The following COL5A1 variants were observed in gnomAD, a reference collection of about 807,000 sequenced individuals.
The protein encoded by COL5A1 is collagen alpha-1(V) chain.
Under a neutral mutation model 263.7 loss-of-function variants are expected in COL5A1, and 16 were observed. That is an observed-to-expected ratio of 0.06 (90% CI 0.04 to 0.09). The LOEUF is 0.09. Ranked by LOEUF, COL5A1 falls within the 10% of genes least tolerant of loss-of-function variation. COL5A1 has a pLI of 1.00. For synonymous variants in COL5A1, 1,012 were observed against 1,004.5 expected (o/e 1.01, Z -0.14); for missense variants, 2,036 against 2,540.5 (o/e 0.80, Z 4.27).
At position 134,716,252 on chromosome 9, in the gene COL5A1, G is replaced by T. The variant is rs116003044; in HGVS notation, c.655-11014G>T. Among the ~76,000 whole-genome samples the T allele has an allele frequency of 8.1e-3, 1,234 of 152,228 alleles. 17 individuals carry two copies. The highest frequency in any genetic ancestry group is 0.028 in the African/African-American group (1,162 of 41,538). On this transcript the variant is annotated intron_variant, in intron 4 of 65. Transcript: ENST00000371817. This position sits in a 1 kb window ranked among gnomAD's most constrained non-coding sequence, Gnocchi z 4.5. The stretch of plus-strand genomic sequence containing the variant: ...GGAGGCCTGGAGTAATTAGTCATAC[G>T]CTGACATCCTCACAGATGACAAGGG...
chr9:134,764,096 G>A (rs1409401069), intron 20 of COL5A1, among the ~76,000 whole-genome samples: 42 of 143,794 alleles, frequency 2.9e-4, no homozygotes, highest in African/African-American at 1.0e-3. Flanking sequence ...GGTGGGGTCC[G>A]GGGTCAGTGT....
intron 4 of COL5A1, among the ~76,000 whole-genome samples, chr9:134,711,360 G>C (rs570869046): frequency 6.6e-6 from 1 of 152,226 alleles, no homozygotes; most frequent in East Asian, 1.9e-4. Context: ...GCTGTGTCTT[G>C]CCAGCCAGGT....
At position 134,819,012 on chromosome 9, in the gene COL5A1, C is replaced by T. The variant is rs1225628147; in HGVS notation, c.4405C>T (p.Leu1469Phe). 1.2e-6 allele frequency: 2 copies of T among 1,613,474 alleles called. No homozygotes were observed. The highest frequency in any genetic ancestry group is 8.5e-7 in the Non-Finnish European group (1 of 1,180,020). Residue 1469 changes from leucine (L) to phenylalanine (F), a missense_variant, in exon 57 of 66, where the codon CTT (leucine) becomes TTT (phenylalanine). Around this residue, in one of 3 missense-constraint regions of COL5A1, gnomAD observed 1,078 missense variants for 1,521.4 expected, o/e 0.71. Transcript: ENST00000371817. ...CCTCCTCCCACAGGGTCCCCCAGGACTTCCCGGCCTCAAAGGAGATTCTGG... is the reference window on the plus strand; with the variant it reads ...CCTCCTCCCACAGGGTCCCCCAGGATTTCCCGGCCTCAAAGGAGATTCTGG... Reference protein sequence around the residue: ...GPPGPMGPPGLPGLKGDSGPK... With the variant: ...GPPGPMGPPGFPGLKGDSGPK...
At chr9:134,773,934 C>G (rs1231817376) in intron 26 of COL5A1, among the ~76,000 whole-genome samples, 8 of 152,192 alleles carry the variant, frequency 5.3e-5, no homozygotes, top group Non-Finnish European at 1.5e-5. Context: ...CCAGTTCCCG[C>G]TGCCTCCAGT....
rs1240965668 is a variant in COL5A1 at position 134,785,002 on chromosome 9, C to A, written c.2498C>A (p.Pro833Gln). 1 of 1,613,282 alleles carries A rather than the reference C, an allele frequency of 6.2e-7. No homozygotes were observed. Among genetic ancestry groups the A allele is most frequent in the Admixed American group, 1.7e-5 (1 of 60,030 alleles). Residue 833 changes from proline (P) to glutamine (Q), a missense_variant, in exon 30 of 66, where the codon CCA (proline) becomes CAA (glutamine). By Grantham distance (76) the Pro-to-Gln change is moderately conservative (BLOSUM62 -1). Coordinates refer to ENST00000371817, the MANE Select transcript of COL5A1 (RefSeq NM_000093.5). ...TCTGGCTTGCAGGGGGAGATCGGCC[C>A]ACCCGGTCCCAGGGGAGAAGATGGC... is the stretch of plus-strand genomic sequence containing the variant. ...GIKGDRGEIG[P>Q]PGPRGEDGPE...
chr9:134,727,466 C>T, intron 5 of COL5A1, 69 bp downstream of exon 5: 2 of 1,560,702 alleles, frequency 1.3e-6, no homozygotes, highest in Non-Finnish European at 1.8e-6. Flanking sequence ...TGAAGAGACA[C>T]ATAAGCCATG....
At chr9:134,768,684 G>A (rs900353104) in intron 25 of COL5A1, among the ~76,000 whole-genome samples, 20 of 152,222 alleles carry the variant, frequency 1.3e-4, no homozygotes, top group Non-Finnish European at 1.0e-4. Context: ...GCGATTGCGC[G>A]AGTAGGAATA....
At chr9:134,760,231 CACACACGCAT>C (rs1210057844) in intron 18 of COL5A1, among the ~76,000 whole-genome samples, 1 of 133,668 alleles carries the variant, frequency 7.5e-6, no homozygotes, top group Non-Finnish European at 1.6e-5. Flanking sequence ...ACCACATGCA[CACACACGCAT>C]ACACACCCAC....
At chr9:134,752,030 T>C (rs1835798473) in intron 13 of COL5A1, among the ~76,000 whole-genome samples, 1 of 152,220 alleles carries the variant, frequency 6.6e-6, no homozygotes, top group Non-Finnish European at 1.5e-5. Context: ...CAGAGTCACT[T>C]GGCAGCTGCA....
At position 134,810,249 on chromosome 9, in the gene COL5A1, C is replaced by T; in HGVS notation, c.3475-6C>T. ...TTCTAACCGAATCCCCCACACCTTC[C>T]CCTAGGGAGAGATCGGGGAGCCGGG... On this transcript the variant is annotated splice_region_variant and splice_polypyrimidine_tract_variant and intron_variant, in intron 43 of 65. Transcript: ENST00000371817. The T allele has an allele frequency of 1.2e-6, 2 of 1,614,102 alleles. No homozygotes were observed. The highest frequency in any genetic ancestry group is 1.7e-6 in the Non-Finnish European group (2 of 1,179,948).
rs79138021 is a variant in COL5A1 at position 134,690,951 on chromosome 9, A to C, written c.149A>C (p.Asn50Thr). 9.9e-6 allele frequency: 16 copies of C among 1,613,666 alleles called. No homozygotes were observed. Among genetic ancestry groups the C allele is most frequent in the Middle Eastern group, 3.3e-4 (2 of 6,084 alleles). ...CTCCTGAAGGTTCTAGATTTTCACA[A>C]CTTGCCTGATGGAATAACAAAGACA... ...ADLLKVLDFH[N>T]LPDGITKTTG... is the part of the protein sequence containing the mutation. The change falls in exon 2 of 66, where the codon AAC (asparagine) becomes ACC (threonine). Residue 50 changes from asparagine (N) to threonine (T), a missense_variant. Asn to Thr is a moderately conservative substitution (Grantham distance 65). This residue lies in a region of COL5A1 where 600 missense variants were observed against 634.5 expected (regional missense o/e 0.95). Transcript: ENST00000371817.
At chr9:134,738,285 T>C (rs1588488032) in intron 9 of COL5A1, among the ~76,000 whole-genome samples, 189 bp from the exon 10 acceptor site, 2 of 152,090 alleles carry the variant, frequency 1.3e-5, no homozygotes, top group East Asian at 3.9e-4. Flanking sequence ...TGCCAGCGAG[T>C]GCCAGGAGGA....
rs1839575091 is a variant in COL5A1 at position 134,830,619 on chromosome 9, C to T, written c.5136+575C>T. On this transcript the variant is annotated intron_variant, in intron 64 of 65. Coordinates refer to ENST00000371817, the MANE Select transcript of COL5A1 (RefSeq NM_000093.5). ...ACCTGCACCACGGATCCCCTCTCCC[C>T]AGCTGCTCAGGGCTGAGGGCTGTCT... Among the ~76,000 whole-genome samples the T allele has an allele frequency of 3.3e-5, 5 of 152,384 alleles. No homozygotes were observed. In the South Asian group the frequency reaches 8.3e-4, roughly 25 times the overall value.
At chr9:134,828,921 A>G (rs1417123792) in intron 63 of COL5A1, among the ~76,000 whole-genome samples, 1 of 147,962 alleles carries the variant, frequency 6.8e-6, no homozygotes, top group African/African-American at 2.7e-5. Context: ...ACACAGATAC[A>G]CACCACTCAT....
At chr9:134,711,332 G>T (rs1000929900) in intron 4 of COL5A1, among the ~76,000 whole-genome samples, 1 of 152,070 alleles carries the variant, frequency 6.6e-6, no homozygotes, top group South Asian at 2.1e-4. Flanking sequence ...CGTATAGACC[G>T]TGCGCCTGGG....
chr9:134,823,555 C>T (rs1839115466), intron 61 of COL5A1, 86 bp downstream of exon 61: 3 of 1,398,414 alleles, frequency 2.1e-6, no homozygotes. Context: ...TGTGTGTGAC[C>T]CCTCCTGAGA....
intron 44 of COL5A1, 170 bp downstream of exon 44, chr9:134,810,478 C>T (rs1838482585): frequency 6.3e-6 from 4 of 632,106 alleles, no homozygotes; most frequent in Non-Finnish European, 1.1e-5. Context: ...TGTGTGCACA[C>T]GCGTGCATAT....
intron 63 of COL5A1, among the ~76,000 whole-genome samples, chr9:134,828,822 C>T (rs1453610736): frequency 1.3e-5 from 2 of 151,196 alleles, no homozygotes; most frequent in Admixed American, 6.6e-5. Flanking sequence ...CACACACACA[C>T]ACCACACATC....
Position 134,826,667 on chromosome 9 carries a change from G to A in COL5A1, c.5067+763G>A, listed in dbSNP as rs556329756. ...GGGTGCATGTGGCTGGTGGATGGGT[G>A]TGTGTATGGGTGGTGGATGGGTGCG... On this transcript the variant is annotated intron_variant, in intron 63 of 65. Coordinates refer to ENST00000371817, the MANE Select transcript of COL5A1 (RefSeq NM_000093.5). Among the ~76,000 whole-genome samples the A allele has an allele frequency of 2.4e-3, 358 of 150,314 alleles. 2 individuals carry two copies. The highest frequency in any genetic ancestry group is 8.4e-3 in the African/African-American group (337 of 40,198).
Sources: gnomAD v4.1 joint callset for allele counts (sites outside exome capture counted in the v4.1 genomes callset) on GRCh38, gnomAD v4.1.1 for gene constraint, gnomAD v4.1.1 regional missense constraint, Gnocchi (gnomAD v3.1) non-coding constraint, MANE v1.5 for transcripts, NCBI Gene and HGNC (gene_info 2026-07-23, HGNC 2026-07-21) for gene names.